Variants in WIPF3 observed in about 807,000 individuals in gnomAD.
The protein encoded by WIPF3 is WAS/WASL-interacting protein family member 3.
Under a neutral mutation model 38.9 loss-of-function variants are expected in WIPF3, and 33 were observed. That is an observed-to-expected ratio of 0.85 (90% CI 0.64 to 1.14). WIPF3 has a LOEUF of 1.14. Ranked by LOEUF, WIPF3 falls within the 50% of genes most tolerant of loss-of-function variation. The probability of loss-of-function intolerance (pLI) is 0.00; values close to 1 mark genes in which losing one functional copy is unlikely to be tolerated. For synonymous variants in WIPF3, 324 were observed against 269.3 expected (o/e 1.20, Z -1.99); for missense variants, 711 against 652.5 (o/e 1.09, Z -0.98).
intron 1 of WIPF3, among the ~76,000 whole-genome samples, chr7:29,815,218 A>G (rs1451567949): frequency 6.6e-6 from 1 of 152,192 alleles, no homozygotes; most frequent in Non-Finnish European, 1.5e-5. Flanking sequence ...TTGGAAATAC[A>G]CAGTCAGAGG....
At chr7:29,872,937 G>A (rs1170403002) in intron 2 of WIPF3, among the ~76,000 whole-genome samples, 1 of 151,918 alleles carries the variant, frequency 6.6e-6, no homozygotes, top group Non-Finnish European at 1.5e-5. Context: ...TAGCCCACAA[G>A]GTTGAACTGC....
chr7:29,908,675 C>A (rs10281648), intron 8 of WIPF3, among the ~76,000 whole-genome samples: 5 of 152,028 alleles, frequency 3.3e-5, no homozygotes, highest in South Asian at 2.1e-4. Context: ...CTTTGAGAGG[C>A]CTAGGTGGGT....
At chr7:29,863,405 A>G (rs1785331625) in intron 2 of WIPF3, among the ~76,000 whole-genome samples, 1 of 152,244 alleles carries the variant, frequency 6.6e-6, no homozygotes, top group African/African-American at 2.4e-5. Flanking sequence ...TTCATACATA[A>G]GTTTTCATAT....
At chr7:29,877,211 G>C (rs1785617488) in intron 3 of WIPF3, among the ~76,000 whole-genome samples, 1 of 152,180 alleles carries the variant, frequency 6.6e-6, no homozygotes, top group African/African-American at 2.4e-5. Flanking sequence ...TCAGAGAGAG[G>C]CTTCTGAGAC....
At chr7:29,875,516 A>T (rs1785572071) in intron 2 of WIPF3, among the ~76,000 whole-genome samples, 1 of 152,176 alleles carries the variant, frequency 6.6e-6, no homozygotes, top group African/African-American at 2.4e-5. Flanking sequence ...ACTCAAGGAC[A>T]GAAGCCCTGG....
intron 2 of WIPF3, among the ~76,000 whole-genome samples, chr7:29,857,256 TG>T (rs1392651098): frequency 6.6e-6 from 1 of 152,174 alleles, no homozygotes; most frequent in East Asian, 1.9e-4. Context: ...AGTTAAACTT[TG>T]CTCCCCCATA....
chr7:29,825,140 G>A (rs979390999), intron 1 of WIPF3, among the ~76,000 whole-genome samples: 2 of 152,064 alleles, frequency 1.3e-5, no homozygotes, highest in Admixed American at 6.5e-5. Flanking sequence ...AATTAAAGAG[G>A]TGGTCATTCA....
chr7:29,807,959 A>AT (rs1784310101), intron 1 of WIPF3, among the ~76,000 whole-genome samples: 3 of 151,920 alleles, frequency 2.0e-5, no homozygotes, highest in South Asian at 2.1e-4. Flanking sequence ...CCTCCCTTCA[A>AT]TTTTTTTTAA....
Position 29,819,294 on chromosome 7 carries a change from A to G in WIPF3, c.-58+12616A>G, listed in dbSNP as rs145775561. On this transcript the variant is annotated intron_variant, in intron 1 of 8. Coordinates refer to ENST00000242140, the MANE Select transcript of WIPF3 (RefSeq NM_001080529.3). ...CATAATGGTTGTCTGTTTCAATTCAAGTTTTCAGATTTCTTTACCTAGATT... is the reference window on the plus strand; with the variant it reads ...CATAATGGTTGTCTGTTTCAATTCAGGTTTTCAGATTTCTTTACCTAGATT... Among the ~76,000 whole-genome samples the G allele has an allele frequency of 2.8e-4, 43 of 151,840 alleles. 1 individual carries two copies. The highest frequency in any genetic ancestry group is 1.0e-3 in the African/African-American group (42 of 41,504).
At position 29,884,264 on chromosome 7, in the gene WIPF3, T is replaced by TACCCCCC; in HGVS notation, c.770_771insACCCCCC (p.Ile260ProfsTer60). The TACCCCCC allele has an allele frequency of 7.6e-7, 1 of 1,315,282 alleles. No individual in the cohort carries two copies. Among genetic ancestry groups the TACCCCCC allele is most frequent in the Non-Finnish European group, 1.0e-6 (1 of 992,706 alleles). 81.5% of individuals were successfully genotyped at this position (1,315,282 alleles called of 1,614,324 possible). ...AAGCCTCAGCTGGCTCCCTTGCACC[T>TACCCCCC]CCCGCCCATCCCGCCCCCGCTCCCT... On this transcript the variant is annotated frameshift_variant, in exon 5 of 9. Transcript: ENST00000242140. LOFTEE classifies it high-confidence loss of function.
At position 29,826,228 on chromosome 7, in the gene WIPF3, T is replaced by C. The variant is rs571769251; in HGVS notation, c.-57-8440T>C. Among the ~76,000 whole-genome samples the C allele has an allele frequency of 2.6e-5, 4 of 152,290 alleles. No homozygotes were observed. The East Asian group carries it at 7.7e-4, about 29-fold the overall frequency. On this transcript the variant is annotated intron_variant, in intron 1 of 8. Transcript: ENST00000242140. ...ATAAGATGCTCTCAGAGATTGTGCT[T>C]CAGTAGGTCTGTGTGGAGATGGTGC... is the stretch of plus-strand genomic sequence containing the variant.
chr7:29,896,360 A>G (rs1230226515), intron 7 of WIPF3, among the ~76,000 whole-genome samples: 1 of 152,082 alleles, frequency 6.6e-6, no homozygotes, highest in African/African-American at 2.4e-5. Context: ...CATGTCTCTA[A>G]TCCCAGCACT....
At chr7:29,877,176 C>A (rs572434912) in intron 3 of WIPF3, among the ~76,000 whole-genome samples, 1 of 152,286 alleles carries the variant, frequency 6.6e-6, no homozygotes, top group Non-Finnish European at 1.5e-5. Context: ...CATAACAGAA[C>A]AAGAAATGAT....
intron 1 of WIPF3, among the ~76,000 whole-genome samples, chr7:29,816,871 C>T (rs769319401): frequency 3.9e-5 from 6 of 152,134 alleles, no homozygotes; most frequent in Non-Finnish European, 7.3e-5. Context: ...ATTTCTCACA[C>T]GTGAGAAAGA....
Position 29,851,745 on chromosome 7 carries a change from G to A in WIPF3, c.90+16931G>A, listed in dbSNP as rs543126929. Among the ~76,000 whole-genome samples the A allele has an allele frequency of 5.9e-5, 9 of 152,334 alleles. No individual in the cohort carries two copies. The East Asian group carries it at 1.5e-3, about 26-fold the overall frequency. The stretch of plus-strand genomic sequence containing the variant: ...CTGGTGCAGGCTGGGCTGACTAGAC[G>A]GGTGCCCTGAGAGCTGAGCTTCTTT... On this transcript the variant is annotated intron_variant, in intron 2 of 8. Transcript: ENST00000242140.
At position 29,871,510 on chromosome 7, in the gene WIPF3, C is replaced by T. The variant is rs141515060; in HGVS notation, c.91-4320C>T. Among the ~76,000 whole-genome samples the T allele has an allele frequency of 2.0e-5, 3 of 152,286 alleles. No homozygotes were observed. The East Asian group carries it at 5.8e-4, about 29-fold the overall frequency. ...GACCCTTGTTGAGAGAAATGACCCG[C>T]TAGATTAGAATCAACCAGCTAAGGT... On this transcript the variant is annotated intron_variant, in intron 2 of 8. Transcript: ENST00000242140.
chr7:29,912,853 C>G (rs1032509117), intron 8 of WIPF3, among the ~76,000 whole-genome samples: 1 of 152,116 alleles, frequency 6.6e-6, no homozygotes, highest in South Asian at 2.1e-4. Flanking sequence ...CTCCATTTAC[C>G]TAAGTACTTA....
At chr7:29,880,039 T>TG (rs1333792315) in intron 4 of WIPF3, among the ~76,000 whole-genome samples, 1 of 152,200 alleles carries the variant, frequency 6.6e-6, no homozygotes, top group African/African-American at 2.4e-5. Context: ...AAGTGGGTAA[T>TG]GAAGGCCATG....
chr7:29,889,993 TC>T (rs1167384843), intron 7 of WIPF3, among the ~76,000 whole-genome samples: 1 of 152,190 alleles, frequency 6.6e-6, no homozygotes, highest in Non-Finnish European at 1.5e-5. Flanking sequence ...GTAAGGGCCC[TC>T]CTCCTCCTGA....
Sources: allele counts gnomAD v4.1 joint callset (sites outside exome capture counted in the v4.1 genomes callset), GRCh38; gene constraint gnomAD v4.1.1; transcripts MANE v1.5; gene names NCBI Gene and HGNC (gene_info 2026-07-23, HGNC 2026-07-21).